Variants in SAMD5 observed in about 807,000 individuals in gnomAD.
The protein encoded by SAMD5 is sterile alpha motif domain containing 5, also known as sterile alpha motif domain-containing protein 5.
In SAMD5, 13 loss-of-function variants were observed where a neutral mutation model predicts 11.3. The ratio of observed to expected loss-of-function variants is 1.15; its 90% CI spans 0.75 to 1.83. The LOEUF (loss-of-function observed/expected upper bound fraction) is 1.83. Ranked by LOEUF, SAMD5 falls within the 40% of genes most tolerant of loss-of-function variation. The pLI is 0.00. For missense variants in SAMD5, 255 were observed against 239.1 expected (o/e 1.07, Z -0.44); for synonymous variants, 129 against 111.3 (o/e 1.16, Z -1.00).
At chr6:147,708,061 T>A (rs1035034054) in intron 1 of SAMD5, among the ~76,000 whole-genome samples, 1 of 152,132 alleles carries the variant, frequency 6.6e-6, no homozygotes. Flanking sequence ...TGGGCTGAAT[T>A]GTGCCAGATC....
At chr6:147,702,647 A>G (rs929741232) in intron 1 of SAMD5, among the ~76,000 whole-genome samples, 1 of 152,190 alleles carries the variant, frequency 6.6e-6, no homozygotes, top group Non-Finnish European at 1.5e-5. Flanking sequence ...TTGTGGTCAG[A>G]TGATTACTAT....
At chr6:147,563,128 G>A (rs1007171975) in intron 1 of SAMD5, among the ~76,000 whole-genome samples, 2 of 152,076 alleles carry the variant, frequency 1.3e-5, no homozygotes, top group South Asian at 4.1e-4. Flanking sequence ...AACTTCGTAA[G>A]CCTGGATAGT....
chr6:147,556,417 A>G (rs549978669), intron 1 of SAMD5, among the ~76,000 whole-genome samples: 1 of 152,234 alleles, frequency 6.6e-6, no homozygotes. Flanking sequence ...AAATGAATTA[A>G]ATATGTATTT....
chr6:147,899,792 C>A, the SAMD5 span, among the ~76,000 whole-genome samples: 154 of 152,278 alleles, frequency 1.0e-3, 1 homozygote, highest in South Asian at 3.1e-3. Context: ...TTTACACAGA[C>A]CAAAGGCTTG....
At chr6:147,662,223 T>G (rs1193447446) in intron 1 of SAMD5, among the ~76,000 whole-genome samples, 1 of 152,186 alleles carries the variant, frequency 6.6e-6, no homozygotes, top group Non-Finnish European at 1.5e-5. Context: ...GCCTTATACT[T>G]CTCAATGACA....
At chr6:147,898,657 G>A in the SAMD5 span, among the ~76,000 whole-genome samples, 1 of 152,112 alleles carries the variant, frequency 6.6e-6, no homozygotes, top group Non-Finnish European at 1.5e-5. Context: ...CTTATTCATT[G>A]CATATAATTT....
intron 1 of SAMD5, among the ~76,000 whole-genome samples, chr6:147,651,501 T>C (rs1790482517): frequency 6.6e-6 from 1 of 152,050 alleles, no homozygotes; most frequent in South Asian, 2.1e-4. Flanking sequence ...GATTAGGTCA[T>C]GAGGGAAGTG....
At chr6:147,765,103 G>A in the SAMD5 span, among the ~76,000 whole-genome samples, 1 of 152,070 alleles carries the variant, frequency 6.6e-6, no homozygotes, top group Non-Finnish European at 1.5e-5. Flanking sequence ...CTACTAAATG[G>A]CTCTGTAAAG....
At chr6:147,673,847 G>A (rs2128455743) in intron 1 of SAMD5, among the ~76,000 whole-genome samples, 1 of 152,170 alleles carries the variant, frequency 6.6e-6, no homozygotes. Flanking sequence ...ATCTATGCAG[G>A]AATAGGGTTT....
chr6:147,656,385 C>A (rs1239046676), intron 1 of SAMD5, among the ~76,000 whole-genome samples: 1 of 151,958 alleles, frequency 6.6e-6, no homozygotes, highest in Non-Finnish European at 1.5e-5. Flanking sequence ...TGAAAACAAA[C>A]AAATACACAA....
the SAMD5 span, among the ~76,000 whole-genome samples, chr6:147,951,308 C>A: frequency 2.0e-5 from 3 of 151,794 alleles, no homozygotes; most frequent in African/African-American, 7.3e-5. Flanking sequence ...CAGCCTCCCA[C>A]GTAGCTGGGA....
chr6:147,769,245 A>G, the SAMD5 span, among the ~76,000 whole-genome samples: 1 of 152,238 alleles, frequency 6.6e-6, no homozygotes, highest in Non-Finnish European at 1.5e-5. Context: ...ATTTGTCTGA[A>G]AAAGCAGATT....
the SAMD5 span, among the ~76,000 whole-genome samples, chr6:147,912,339 G>A: frequency 6.6e-6 from 1 of 152,118 alleles, no homozygotes; most frequent in African/African-American, 2.4e-5. Flanking sequence ...ATTTAAAATT[G>A]GAAGATATGT....
the SAMD5 span, among the ~76,000 whole-genome samples, chr6:147,906,794 T>G: frequency 6.6e-6 from 1 of 152,204 alleles, no homozygotes; most frequent in Non-Finnish European, 1.5e-5. Flanking sequence ...TAAGTTTTTC[T>G]CCTAATGTCT....
the SAMD5 span, among the ~76,000 whole-genome samples, chr6:147,943,281 T>G: frequency 1.3e-5 from 2 of 152,296 alleles, no homozygotes; most frequent in Middle Eastern, 3.4e-3. Flanking sequence ...CCTTGGAAAG[T>G]TGGTTGTTTT....
At chr6:147,612,240 G>A (rs913648714) in intron 1 of SAMD5, among the ~76,000 whole-genome samples, 44 of 152,212 alleles carry the variant, frequency 2.9e-4, no homozygotes, top group African/African-American at 7.7e-4. Flanking sequence ...GAACACTGTC[G>A]GTTGGCAGAG....
chr6:147,843,774 GA>G, the SAMD5 span, among the ~76,000 whole-genome samples: 1 of 152,082 alleles, frequency 6.6e-6, no homozygotes, highest in African/African-American at 2.4e-5. Flanking sequence ...ATAGTGTTGG[GA>G]AAACTAGAAA....
chr6:147,622,125 G>T (rs188147200), intron 1 of SAMD5, among the ~76,000 whole-genome samples: 151 of 152,194 alleles, frequency 9.9e-4, no homozygotes, highest in African/African-American at 3.6e-3. Flanking sequence ...GATAGGCAGG[G>T]TACAGTCATC....
chr6:147,940,379 C>T, the SAMD5 span, among the ~76,000 whole-genome samples: 12 of 152,160 alleles, frequency 7.9e-5, no homozygotes, highest in South Asian at 4.2e-4. Context: ...ATCACACACA[C>T]GGGGCATGAG....
Sources: allele counts gnomAD v4.1 joint callset (sites outside exome capture counted in the v4.1 genomes callset), GRCh38; gene constraint gnomAD v4.1.1; transcripts MANE v1.5; gene names NCBI Gene and HGNC (gene_info 2026-07-23, HGNC 2026-07-21).